ITPR1: variants seen among roughly 807,000 people sequenced by gnomAD.
The protein encoded by ITPR1 is inositol 1,4,5-trisphosphate receptor type 1.
ITPR1 carries 96 observed loss-of-function variants against 318.4 expected under a neutral mutation model. The observed-to-expected ratio is 0.30, with a 90% CI of 0.26 to 0.36. The LOEUF is 0.36. Ranked by LOEUF, ITPR1 falls within the 10% of genes least tolerant of loss-of-function variation. The probability of loss-of-function intolerance (pLI) is 1.00; values close to 1 mark genes in which losing one functional copy is unlikely to be tolerated. For synonymous variants in ITPR1, 1,312 were observed against 1,289.9 expected (o/e 1.02, Z -0.37); for missense variants, 2,440 against 3,460.2 (o/e 0.71, Z 7.40).
chr3:4,645,766 G>C (rs534536882), intron 10 of ITPR1, 38 bp downstream of exon 10: 3 of 1,575,838 alleles, frequency 1.9e-6, no homozygotes, highest in African/African-American at 2.9e-5. Context: ...TGGGTTTAGA[G>C]GATATCAGCC....
At chr3:4,716,484 G>A (rs943980577) in intron 39 of ITPR1, among the ~76,000 whole-genome samples, 2 of 152,146 alleles carry the variant, frequency 1.3e-5, no homozygotes, top group Non-Finnish European at 2.9e-5. Context: ...TTTCCCTTCT[G>A]AATAGTAGTA....
chr3:4,716,998 T>G (rs1277412685), intron 39 of ITPR1, among the ~76,000 whole-genome samples: 1 of 152,216 alleles, frequency 6.6e-6, no homozygotes, highest in Non-Finnish European at 1.5e-5. Flanking sequence ...CTCTAGTCTT[T>G]CACTCTACTC....
chr3:4,616,555 T>C (rs546324735), intron 4 of ITPR1, among the ~76,000 whole-genome samples: 1 of 152,242 alleles, frequency 6.6e-6, no homozygotes, highest in South Asian at 2.1e-4. Flanking sequence ...ATATCACCTA[T>C]TGATTTCATC....
intron 46 of ITPR1, among the ~76,000 whole-genome samples, chr3:4,772,513 G>A (rs2046249725): frequency 1.3e-5 from 2 of 152,348 alleles, no homozygotes; most frequent in South Asian, 4.1e-4. Context: ...TCAGCCAGTT[G>A]GCATGTGTTT....
intron 3 of ITPR1, 107 bp from the exon 4 acceptor site, chr3:4,520,917 C>A: frequency 1.3e-6 from 1 of 794,928 alleles, no homozygotes; most frequent in Non-Finnish European, 2.2e-6. Context: ...GAGAATATGG[C>A]AATCTAAATG....
chr3:4,817,853 A>C (rs912798684), intron 59 of ITPR1, among the ~76,000 whole-genome samples: 9 of 152,232 alleles, frequency 5.9e-5, no homozygotes, highest in African/African-American at 2.2e-4. Flanking sequence ...TGAAGCAGCA[A>C]CTGCCAAGTG....
At chr3:4,747,047 A>G (rs1291661422) in intron 44 of ITPR1, among the ~76,000 whole-genome samples, 4 of 152,218 alleles carry the variant, frequency 2.6e-5, no homozygotes, top group Admixed American at 6.5e-5. Context: ...GTTGATGATT[A>G]TTGCCATTTT....
intron 4 of ITPR1, among the ~76,000 whole-genome samples, chr3:4,593,088 T>G (rs2090517495): frequency 6.6e-6 from 1 of 152,208 alleles, no homozygotes; most frequent in Non-Finnish European, 1.5e-5. Flanking sequence ...CTCTTCTTTT[T>G]GTGTGTGTGA....
In ITPR1 at chr3:4,735,206, G is replaced by C; in HGVS notation, c.5396G>C (p.Ser1799Thr). The C allele has an allele frequency of 1.2e-6, 2 of 1,614,002 alleles. No homozygotes were observed. The highest frequency in any genetic ancestry group is 8.5e-7 in the Non-Finnish European group (1 of 1,179,868). ...GSSSMSRGEM[S>T]LAEVQCHLDK... The stretch of plus-strand genomic sequence containing the variant: ...AGCTCTATGAGCAGGGGTGAGATGA[G>C]TCTGGCCGAGGTTCAGTGTCACCTT... The change falls in exon 44 of 62, where the codon AGT (serine) becomes ACT (threonine). Residue 1799 changes from serine to threonine, a missense_variant. By Grantham distance (58) the Ser-to-Thr change is moderately conservative. Around this residue, in one of 23 missense-constraint regions of ITPR1, gnomAD observed 166 missense variants for 143.7 expected, o/e 1.16. Coordinates refer to ENST00000649015, the MANE Select transcript of ITPR1 (RefSeq NM_001378452.1).
intron 56 of ITPR1, 82 bp downstream of exon 56, chr3:4,811,542 A>G (rs2048940353): frequency 3.5e-6 from 4 of 1,128,632 alleles, no homozygotes; most frequent in Non-Finnish European, 5.2e-6. Context: ...TAACGACTTT[A>G]GTAATGCAGA....
intron 4 of ITPR1, among the ~76,000 whole-genome samples, chr3:4,547,913 A>C (rs2085183684): frequency 6.6e-6 from 1 of 152,136 alleles, no homozygotes; most frequent in South Asian, 2.1e-4. Context: ...CACTCTGTTA[A>C]ATTCAAGTTA....
At position 4,807,221 on chromosome 3, in the gene ITPR1, A is replaced by T. The variant is rs138413083; in HGVS notation, c.7272+954A>T. 2.1e-3 allele frequency among the ~76,000 whole-genome samples: 316 copies of T among 151,692 alleles called. 2 individuals are homozygous for T. The highest frequency in any genetic ancestry group is 7.4e-3 in the African/African-American group (304 of 41,282). Reference sequence around the variant, plus strand: ...AGAGCAAGGGAAGCTCTTCAGGGAGATGCTTAGAAAACCCCCCCGAAGCGC... The same window carrying T: ...AGAGCAAGGGAAGCTCTTCAGGGAGTTGCTTAGAAAACCCCCCCGAAGCGC... On this transcript the variant is annotated intron_variant, in intron 55 of 61. Transcript: ENST00000649015.
intron 40 of ITPR1, among the ~76,000 whole-genome samples, chr3:4,722,707 C>G (rs995282985): frequency 2.0e-5 from 3 of 151,944 alleles, no homozygotes; most frequent in Non-Finnish European, 4.4e-5. Flanking sequence ...GTGGTTTTAC[C>G]GACTTAGATA....
At chr3:4,609,051 A>AATATGTAT (rs1387747146) in intron 4 of ITPR1, among the ~76,000 whole-genome samples, 13 of 46,566 alleles carry the variant, frequency 2.8e-4, no homozygotes, top group Admixed American at 1.1e-3. Flanking sequence ...ACAACAACGA[A>AATATGTAT]ATATATATAT....
intron 44 of ITPR1, among the ~76,000 whole-genome samples, chr3:4,753,083 T>A (rs1223260625): frequency 6.6e-6 from 1 of 152,138 alleles, no homozygotes; most frequent in Non-Finnish European, 1.5e-5. Context: ...AGGAGCTGTG[T>A]GAAGAGTAGC....
At chr3:4,762,169 A>G (rs1370645353) in intron 44 of ITPR1, among the ~76,000 whole-genome samples, 2 of 152,016 alleles carry the variant, frequency 1.3e-5, no homozygotes, top group Non-Finnish European at 2.9e-5. Context: ...GTACCTTTTT[A>G]ATTTTTTTTA....
At chr3:4,801,433 C>CT (rs986972404) in intron 54 of ITPR1, among the ~76,000 whole-genome samples, 12 of 152,112 alleles carry the variant, frequency 7.9e-5, no homozygotes, top group Non-Finnish European at 1.5e-4. Context: ...AGCTGAAAAG[C>CT]TTACAGCGGG....
intron 54 of ITPR1, among the ~76,000 whole-genome samples, chr3:4,801,074 C>T (rs1261956927): frequency 2.0e-5 from 3 of 152,184 alleles, no homozygotes; most frequent in African/African-American, 7.2e-5. Flanking sequence ...GAAGCAGAGA[C>T]AATTCTTTAA....
intron 11 of ITPR1, among the ~76,000 whole-genome samples, chr3:4,652,906 T>A (rs1409562972): frequency 6.6e-6 from 1 of 152,064 alleles, no homozygotes; most frequent in Non-Finnish European, 1.5e-5. Flanking sequence ...GAGAATCGCT[T>A]GAACACGGGA....
Sources: allele counts gnomAD v4.1 joint callset (sites outside exome capture counted in the v4.1 genomes callset), GRCh38; gene constraint gnomAD v4.1.1; regional missense constraint gnomAD v4.1.1; transcripts MANE v1.5; gene names NCBI Gene and HGNC (gene_info 2026-07-23, HGNC 2026-07-21).